The following SLC35D4 variants were observed in gnomAD, a reference collection of about 807,000 sequenced individuals.
SLC35D4 encodes UDP-N-acetylglucosamine transporter SLC35D4.
the SLC35D4 span, among the ~76,000 whole-genome samples, chr18:23,335,827 C>T: frequency 0.2 from 30,163 of 152,044 alleles, 4,108 homozygotes; most frequent in African/African-American, 0.38. Flanking sequence ...GTTGCAAAAA[C>T]GACTTTCATT....
chr18:23,256,403 G>A, the SLC35D4 span, among the ~76,000 whole-genome samples: 1 of 152,196 alleles, frequency 6.6e-6, no homozygotes, highest in African/African-American at 2.4e-5. Flanking sequence ...AAGATGAAAG[G>A]ACTGAACTAC....
chr18:23,257,700 C>T, the SLC35D4 span: 263 of 231,354 alleles, frequency 1.1e-3, no homozygotes, highest in Non-Finnish European at 1.7e-3. Flanking sequence ...TGGTCCAGGG[C>T]CTTCTCCAGA....
the SLC35D4 span, among the ~76,000 whole-genome samples, chr18:23,243,468 G>GTTTTTTTTTTTT: frequency 2.0e-5 from 2 of 101,872 alleles, no homozygotes; most frequent in Admixed American, 1.0e-4. Context: ...TGGGTTTGGT[G>GTTTTTTTTTTTT]TTTTTTTTTT....
chr18:23,330,837 G>A, the SLC35D4 span, among the ~76,000 whole-genome samples: 3 of 152,064 alleles, frequency 2.0e-5, no homozygotes, highest in African/African-American at 7.2e-5. Context: ...AGCACGGGGG[G>A]TCCAGACACA....
chr18:23,345,160 A>G, the SLC35D4 span, among the ~76,000 whole-genome samples: 1 of 151,910 alleles, frequency 6.6e-6, no homozygotes, highest in Non-Finnish European at 1.5e-5. Flanking sequence ...TTGTATATGG[A>G]TATCTGATTG....
the SLC35D4 span, chr18:23,252,865 G>A: frequency 1.3e-6 from 1 of 770,166 alleles, no homozygotes; most frequent in Non-Finnish European, 2.2e-6. Context: ...CGTTGCTCAT[G>A]GCTTTGGGAG....
chr18:23,303,905 GAA>G, the SLC35D4 span, among the ~76,000 whole-genome samples: 29 of 109,252 alleles, frequency 2.7e-4, no homozygotes, highest in Middle Eastern at 7.8e-3. Context: ...CTATCTCCAG[GAA>G]AAAAAAAAAA....
At chr18:23,349,512 T>C in the SLC35D4 span, among the ~76,000 whole-genome samples, 1 of 152,154 alleles carries the variant, frequency 6.6e-6, no homozygotes. Context: ...GCACCTGTAG[T>C]CCCAGCTACT....
chr18:23,291,114 G>A, the SLC35D4 span, among the ~76,000 whole-genome samples: 1 of 152,378 alleles, frequency 6.6e-6, no homozygotes, highest in East Asian at 1.9e-4. Flanking sequence ...GCTAAGGGCT[G>A]TGGGTCTTGC....
At chr18:23,392,518 C>G in the SLC35D4 span, among the ~76,000 whole-genome samples, 1 of 152,164 alleles carries the variant, frequency 6.6e-6, no homozygotes, top group African/African-American at 2.4e-5. Context: ...GCTGGGAGGT[C>G]CTCTTTGTCC....
the SLC35D4 span, among the ~76,000 whole-genome samples, chr18:23,294,815 G>A: frequency 6.6e-6 from 1 of 152,124 alleles, no homozygotes; most frequent in Non-Finnish European, 1.5e-5. Flanking sequence ...TCTGAAAGGT[G>A]TTTCAAACAA....
the SLC35D4 span, among the ~76,000 whole-genome samples, chr18:23,404,992 C>CAAACAAAAAA: frequency 2.2e-5 from 1 of 44,480 alleles, no homozygotes; most frequent in Non-Finnish European, 4.5e-5. Context: ...GACTCCGTCT[C>CAAACAAAAAA]AAAAAAAAAA....
chr18:23,427,376 C>T, the SLC35D4 span, among the ~76,000 whole-genome samples: 1 of 152,142 alleles, frequency 6.6e-6, no homozygotes, highest in Non-Finnish European at 1.5e-5. Context: ...ACAGACACTT[C>T]TCAAAAGAAG....
the SLC35D4 span, among the ~76,000 whole-genome samples, chr18:23,266,934 T>C: frequency 6.6e-6 from 1 of 152,216 alleles, no homozygotes; most frequent in Non-Finnish European, 1.5e-5. Flanking sequence ...GATGAGGGGC[T>C]GGTGGGCTGC....
chr18:23,303,989 G>C, the SLC35D4 span, among the ~76,000 whole-genome samples: 1 of 151,198 alleles, frequency 6.6e-6, no homozygotes, highest in Non-Finnish European at 1.5e-5. Context: ...GCTGAGGCTG[G>C]AGGACTGCTT....
chr18:23,409,111 G>C, the SLC35D4 span, among the ~76,000 whole-genome samples: 1 of 151,406 alleles, frequency 6.6e-6, no homozygotes, highest in South Asian at 2.1e-4. Flanking sequence ...CTCCAGCCTG[G>C]GCAACAAGAG....
the SLC35D4 span, chr18:23,331,125 T>C: frequency 6.6e-6 from 1 of 152,254 alleles, no homozygotes; most frequent in Non-Finnish European, 1.5e-5. Flanking sequence ...TTAAACCTCA[T>C]GGTCTGAGAG....
At chr18:23,252,829 T>G in the SLC35D4 span, 1 of 604,188 alleles carries the variant, frequency 1.7e-6, no homozygotes, top group Non-Finnish European at 3.0e-6. Flanking sequence ...GCCGAGCCCT[T>G]GTTGTAGCTC....
the SLC35D4 span, among the ~76,000 whole-genome samples, chr18:23,334,237 T>C: frequency 2.6e-5 from 4 of 152,132 alleles, no homozygotes; most frequent in Admixed American, 2.6e-4. Flanking sequence ...TAGGGAATAA[T>C]GGCCTGAGGG....
Sources: allele counts gnomAD v4.1 joint callset (sites outside exome capture counted in the v4.1 genomes callset), GRCh38; gene constraint gnomAD v4.1.1; transcripts MANE v1.5; gene names NCBI Gene and HGNC (gene_info 2026-07-23, HGNC 2026-07-21).